CCDC149: variants seen among roughly 807,000 people sequenced by gnomAD.
The protein encoded by CCDC149 is coiled-coil domain containing 149, also known as coiled-coil domain-containing protein 149.
In CCDC149, 45 loss-of-function variants were observed where a neutral mutation model predicts 59.9. That is an observed-to-expected ratio of 0.75 (90% CI 0.59 to 0.96). The LOEUF (loss-of-function observed/expected upper bound fraction) is 0.96, where lower values mean the gene tolerates loss of function less well. CCDC149 is among the 40% of genes least tolerant of loss of function. The probability of loss-of-function intolerance (pLI) is 0.00; values close to 1 mark genes in which losing one functional copy is unlikely to be tolerated. For missense variants in CCDC149, 584 were observed against 664.7 expected (o/e 0.88, Z 1.33); for synonymous variants, 245 against 260.6 (o/e 0.94, Z 0.58).
intron 1 of CCDC149, among the ~76,000 whole-genome samples, chr4:24,962,709 A>C (rs971814851): frequency 6.6e-6 from 1 of 151,956 alleles, no homozygotes; most frequent in Non-Finnish European, 1.5e-5. Flanking sequence ...CAGGAAGGGG[A>C]ACATCACACA....
chr4:24,839,589 T>C (rs887477694), intron 4 of CCDC149, among the ~76,000 whole-genome samples: 3 of 152,200 alleles, frequency 2.0e-5, no homozygotes, highest in Non-Finnish European at 4.4e-5. Flanking sequence ...AAACATAATT[T>C]TCCAAAAGAT....
intron 1 of CCDC149, among the ~76,000 whole-genome samples, chr4:24,977,059 T>C (rs891853992): frequency 2.0e-5 from 3 of 152,188 alleles, no homozygotes; most frequent in African/African-American, 7.2e-5. Flanking sequence ...CATCTGTGGT[T>C]TCTGCTTGCC....
intron 1 of CCDC149, among the ~76,000 whole-genome samples, chr4:24,898,537 T>C (rs1720978352): frequency 6.6e-6 from 1 of 152,128 alleles, no homozygotes; most frequent in Admixed American, 6.5e-5. Context: ...ACCAGCAGGG[T>C]TGGCTTCAAA....
intron 1 of CCDC149, among the ~76,000 whole-genome samples, chr4:24,889,079 AGTAG>A (rs1720373039): frequency 1.3e-5 from 2 of 152,180 alleles, no homozygotes; most frequent in Non-Finnish European, 2.9e-5. Context: ...TGTGAACTAC[AGTAG>A]CTGGGGGGTA....
At chr4:24,967,451 G>A (rs116328053) in intron 1 of CCDC149, among the ~76,000 whole-genome samples, 482 of 152,204 alleles carry the variant, frequency 3.2e-3, no homozygotes, top group African/African-American at 0.011. Context: ...GCATGCAGCT[G>A]TACCATCAAT....
chr4:24,820,628 A>T (rs560664342), intron 11 of CCDC149, among the ~76,000 whole-genome samples: 2 of 152,332 alleles, frequency 1.3e-5, no homozygotes, highest in South Asian at 4.1e-4. Flanking sequence ...GAACAGACTG[A>T]TCTGATTTAT....
Position 24,808,455 on chromosome 4 carries a change from A to G in CCDC149, c.1557T>C (p.Ala519=), listed in dbSNP as rs1714357233. Reference sequence around the variant, plus strand: ...TCCCTTTGCCGTCTTCCGGTGTGGAAGCTTTGGCTGCTGGCCGGCTGGCCT... The same window carrying G: ...TCCCTTTGCCGTCTTCCGGTGTGGAGGCTTTGGCTGCTGGCCGGCTGGCCT... Residue 519 remains alanine (A), a synonymous_variant, in exon 13 of 13, where the codon GCT becomes GCC. Coordinates refer to ENST00000635206, the MANE Select transcript of CCDC149 (RefSeq NM_001330643.2). The G allele has an allele frequency of 3.4e-6, 5 of 1,466,164 alleles. No homozygotes were observed. Among genetic ancestry groups the G allele is most frequent in the Non-Finnish European group, 4.5e-6 (5 of 1,108,700 alleles). 90.8% of individuals were successfully genotyped at this position (1,466,164 alleles called of 1,614,324 possible). A position where few individuals can be genotyped will look rare whatever the true frequency, so the allele number is the denominator to read the frequency against.
At chr4:24,913,809 G>T (rs543376930), upstream of CCDC149, among the ~76,000 whole-genome samples, 14 of 152,348 alleles carry the variant, frequency 9.2e-5, no homozygotes, top group South Asian at 2.9e-3. Context: ...AGCAAAAGGG[G>T]AAGGCATTGG....
chr4:24,886,398 C>G (rs1257335574), intron 1 of CCDC149, among the ~76,000 whole-genome samples: 1 of 152,226 alleles, frequency 6.6e-6, no homozygotes. Context: ...ACATTTCAGT[C>G]TCTTTGCCTC....
intron 4 of CCDC149, among the ~76,000 whole-genome samples, chr4:24,850,393 T>C (rs1372936684): frequency 6.6e-6 from 1 of 152,202 alleles, no homozygotes; most frequent in African/African-American, 2.4e-5. Flanking sequence ...TGCACAGGAC[T>C]GACACCTAAG....
chr4:24,896,145 T>C (rs1356424663), intron 1 of CCDC149, among the ~76,000 whole-genome samples: 5 of 152,196 alleles, frequency 3.3e-5, no homozygotes, highest in African/African-American at 1.2e-4. Context: ...TGAGTGACCA[T>C]AAAGAAGGAT....
At chr4:24,959,870 T>C (rs1039047539) in intron 1 of CCDC149, among the ~76,000 whole-genome samples, 7 of 152,156 alleles carry the variant, frequency 4.6e-5, no homozygotes, top group African/African-American at 1.7e-4. Flanking sequence ...GCTGAAAGAA[T>C]TCACCACCAG....
chr4:24,944,878 G>A (rs571998441), intron 1 of CCDC149, among the ~76,000 whole-genome samples: 1 of 152,266 alleles, frequency 6.6e-6, no homozygotes, highest in South Asian at 2.1e-4. Context: ...GGGAGCTCAC[G>A]ACCACTGGTA....
rs1054886864 is a variant in CCDC149, at chr4:24,837,667, C to T, written c.490-267G>A. ...TGAACCCTCGCCAACTTCAGGATGCCCTGCAGCTGCCAGTGTCTTACAAAT... is the reference window on the plus strand; with the variant it reads ...TGAACCCTCGCCAACTTCAGGATGCTCTGCAGCTGCCAGTGTCTTACAAAT... On this transcript the variant is annotated intron_variant, in intron 5 of 12. Coordinates refer to ENST00000635206, the MANE Select transcript of CCDC149 (RefSeq NM_001330643.2). This position sits in a 1 kb window ranked among gnomAD's most constrained non-coding sequence, Gnocchi z 4.3. Among the ~76,000 whole-genome samples, 2 of 152,178 alleles carry T rather than the reference C, an allele frequency of 1.3e-5. No individual in the cohort carries two copies. Among genetic ancestry groups the T allele is most frequent in the Non-Finnish European group, 2.9e-5 (2 of 68,036 alleles).
At chr4:24,811,872 C>A (rs1389243376) in intron 12 of CCDC149, among the ~76,000 whole-genome samples, 13 of 135,038 alleles carry the variant, frequency 9.6e-5, no homozygotes, top group African/African-American at 2.2e-4. Context: ...GACTCCGACT[C>A]AAAAAAAAAA....
intron 1 of CCDC149, among the ~76,000 whole-genome samples, chr4:24,963,605 T>C (rs1723711156): frequency 6.6e-6 from 1 of 152,134 alleles, no homozygotes; most frequent in Non-Finnish European, 1.5e-5. Context: ...ACTCACTCAA[T>C]GGCAACAAGG....
At chr4:24,948,005 G>C (rs1172201600) in intron 1 of CCDC149, among the ~76,000 whole-genome samples, 2 of 152,166 alleles carry the variant, frequency 1.3e-5, no homozygotes, top group Non-Finnish European at 2.9e-5. Context: ...CAATTTGGGG[G>C]CTTGAAGGGA....
Position 24,871,188 on chromosome 4 carries a change from C to CTGAATGAA in CCDC149, c.264+2485_264+2492dup, listed in dbSNP as rs35751565. The stretch of plus-strand genomic sequence containing the variant: ...GGAAGGGAGCGTATAAGTAAGCGTG[C>CTGAATGAA]TGAATGAATGAATGAATGAATGGGT... On this transcript the variant is annotated intron_variant, in intron 3 of 12. Transcript: ENST00000635206. 1.4e-4 allele frequency among the ~76,000 whole-genome samples: 21 copies of CTGAATGAA among 151,718 alleles called. 1 individual carries two copies. The South Asian group carries it at 1.9e-3, about 14-fold the overall frequency.
intron 1 of CCDC149, among the ~76,000 whole-genome samples, chr4:24,919,654 T>C (rs1722227067): frequency 6.6e-6 from 1 of 151,984 alleles, no homozygotes; most frequent in African/African-American, 2.4e-5. Flanking sequence ...GCAATGACCC[T>C]CTCCAAGGTG....
Sources: gnomAD v4.1 joint callset for allele counts (sites outside exome capture counted in the v4.1 genomes callset) on GRCh38, gnomAD v4.1.1 for gene constraint, Gnocchi (gnomAD v3.1) non-coding constraint, MANE v1.5 for transcripts, NCBI Gene and HGNC (gene_info 2026-07-23, HGNC 2026-07-21) for gene names.